The following CDH13 variants were observed in gnomAD, a reference collection of about 807,000 sequenced individuals.
The protein encoded by CDH13 is cadherin-13.
Under a neutral mutation model 63.8 loss-of-function variants are expected in CDH13, and 24 were observed. The ratio of observed to expected loss-of-function variants is 0.38; its 90% CI spans 0.27 to 0.53. The LOEUF (loss-of-function observed/expected upper bound fraction) is 0.53. Among genes scored for constraint, CDH13 ranks in the 20% least tolerant of loss-of-function variants. CDH13 has a pLI of 0.85. For missense variants in CDH13, 1,049 were observed against 903.1 expected, an observed-to-expected ratio of 1.16 and a Z score of -2.07; for synonymous variants, 503 against 355.3, an observed-to-expected ratio of 1.42 and a Z score of -4.67.
intron 1 of CDH13, among the ~76,000 whole-genome samples, chr16:82,822,965 A>G (rs904205049): frequency 2.6e-5 from 4 of 152,106 alleles, no homozygotes; most frequent in Non-Finnish European, 4.4e-5. Flanking sequence ...TCGCTCATAG[A>G]CCTGGGTGTG....
chr16:83,393,236 G>A (rs1597910110), intron 6 of CDH13, among the ~76,000 whole-genome samples: 1 of 152,182 alleles, frequency 6.6e-6, no homozygotes, highest in Non-Finnish European at 1.5e-5. Context: ...GGTGGGCAGA[G>A]GCATTTGGCT....
At chr16:82,860,232 A>C (rs2039881882) in intron 2 of CDH13, among the ~76,000 whole-genome samples, 1 of 152,144 alleles carries the variant, frequency 6.6e-6, no homozygotes, top group African/African-American at 2.4e-5. Context: ...TATGCAAAGT[A>C]GACCTATAAA....
chr16:83,406,773 C>T (rs2092054645), intron 6 of CDH13, among the ~76,000 whole-genome samples: 1 of 152,132 alleles, frequency 6.6e-6, no homozygotes, highest in Admixed American at 6.5e-5. Context: ...GCCAGCTCTG[C>T]CTCTTTCTAG....
intron 5 of CDH13, among the ~76,000 whole-genome samples, chr16:83,268,106 C>G (rs2088681024): frequency 6.6e-6 from 1 of 152,186 alleles, no homozygotes; most frequent in South Asian, 2.1e-4. Context: ...GCACCACTGA[C>G]ACATGGATAT....
chr16:83,246,137 T>C (rs990220901), intron 5 of CDH13, among the ~76,000 whole-genome samples: 2 of 152,206 alleles, frequency 1.3e-5, no homozygotes, highest in Admixed American at 6.5e-5. Context: ...TTTTATTAAT[T>C]ATATATTTGG....
At chr16:82,762,518 A>C (rs2034893179) in intron 1 of CDH13, among the ~76,000 whole-genome samples, 1 of 152,216 alleles carries the variant, frequency 6.6e-6, no homozygotes, top group Non-Finnish European at 1.5e-5. Flanking sequence ...TAATGATTCA[A>C]AATGACTTTA....
intron 4 of CDH13, among the ~76,000 whole-genome samples, chr16:83,204,497 T>C (rs530655755): frequency 1.3e-5 from 2 of 152,296 alleles, no homozygotes; most frequent in African/African-American, 2.4e-5. Context: ...TTCCTATGTC[T>C]CAGGTCATTC....
At chr16:83,059,687 C>T (rs1307858082) in intron 3 of CDH13, among the ~76,000 whole-genome samples, 1 of 151,646 alleles carries the variant, frequency 6.6e-6, no homozygotes, top group African/African-American at 2.4e-5. Flanking sequence ...CCATGACACA[C>T]ATCACATCTG....
intron 10 of CDH13, 70 bp from the exon 11 acceptor site, chr16:83,748,038 C>T (rs1196293119): frequency 6.5e-7 from 1 of 1,546,014 alleles, no homozygotes; most frequent in South Asian, 1.1e-5. Flanking sequence ...GAGCTCATGC[C>T]CTGCACTCTG....
intron 1 of CDH13, among the ~76,000 whole-genome samples, chr16:82,751,471 C>G (rs1463418297): frequency 6.6e-6 from 1 of 152,142 alleles, no homozygotes; most frequent in African/African-American, 2.4e-5. Context: ...ACACAAGGCA[C>G]ACACTGACCT....
intron 7 of CDH13, chr16:83,508,396 A>G (rs1598183412): frequency 6.5e-6 from 1 of 154,140 alleles, no homozygotes; most frequent in East Asian, 1.9e-4. Context: ...CTTGGGTTGG[A>G]TCATAGAGCA....
At chr16:83,350,663 C>T (rs2090934598) in intron 6 of CDH13, among the ~76,000 whole-genome samples, 1 of 152,134 alleles carries the variant, frequency 6.6e-6, no homozygotes, top group Non-Finnish European at 1.5e-5. Context: ...TTGTTCCCTC[C>T]TGGTATTCAT....
chr16:82,752,407 C>G (rs961728635), intron 1 of CDH13, among the ~76,000 whole-genome samples: 1 of 152,154 alleles, frequency 6.6e-6, no homozygotes, highest in Non-Finnish European at 1.5e-5. Context: ...CCACCACACC[C>G]CATGTGTCTA....
At chr16:83,569,207 G>A (rs1188480615) in intron 7 of CDH13, among the ~76,000 whole-genome samples, 1 of 152,138 alleles carries the variant, frequency 6.6e-6, no homozygotes, top group African/African-American at 2.4e-5. Context: ...TCGTCCACCT[G>A]GGAGACTCCT....
At chr16:83,242,975 C>T (rs913484058) in intron 5 of CDH13, among the ~76,000 whole-genome samples, 4 of 152,162 alleles carry the variant, frequency 2.6e-5, no homozygotes, top group East Asian at 1.9e-4. Context: ...TATAAGAACT[C>T]GGTGAAGTAG....
At chr16:83,414,585 C>G (rs1239090032) in intron 6 of CDH13, among the ~76,000 whole-genome samples, 2 of 151,724 alleles carry the variant, frequency 1.3e-5, no homozygotes, top group African/African-American at 4.8e-5. Context: ...TTCCCTCCCC[C>G]TAGACCCTGA....
chr16:83,483,721 A>G (rs1249423642), intron 6 of CDH13, among the ~76,000 whole-genome samples: 2 of 152,158 alleles, frequency 1.3e-5, no homozygotes, highest in Non-Finnish European at 2.9e-5. Context: ...TCCCTTTAGC[A>G]TGTCCCTGGG....
chr16:83,271,929 T>C (rs997823072), intron 5 of CDH13, among the ~76,000 whole-genome samples: 1 of 152,226 alleles, frequency 6.6e-6, no homozygotes. Flanking sequence ...GAAGATCTTG[T>C]CACCGGAAAT....
chr16:82,917,256 C>G (rs1462181676), intron 2 of CDH13, among the ~76,000 whole-genome samples: 3 of 152,170 alleles, frequency 2.0e-5, no homozygotes, highest in East Asian at 1.9e-4. Flanking sequence ...AAAGCCTGAC[C>G]ATGCTGATCT....
Sources: allele counts gnomAD v4.1 joint callset (sites outside exome capture counted in the v4.1 genomes callset), GRCh38; gene constraint gnomAD v4.1.1; transcripts MANE v1.5; gene names NCBI Gene and HGNC (gene_info 2026-07-23, HGNC 2026-07-21).